Variants in ATAD2B observed in about 807,000 individuals in gnomAD.
The protein encoded by ATAD2B is ATPase family AAA domain-containing protein 2B.
ATAD2B carries 40 observed loss-of-function variants against 167.6 expected under a neutral mutation model. That is an observed-to-expected ratio of 0.24 (90% confidence interval 0.19 to 0.31). ATAD2B has a LOEUF of 0.31. Ranked by LOEUF, ATAD2B falls within the 10% of genes least tolerant of loss-of-function variation. ATAD2B has a pLI of 1.00. For missense variants in ATAD2B, 1,242 were observed against 1,757.2 expected (o/e 0.71, Z 5.24); for synonymous variants, 579 against 596.5 (o/e 0.97, Z 0.43).
intron 1 of ATAD2B, among the ~76,000 whole-genome samples, chr2:23,909,451 T>TAC (rs150415566): frequency 0.015 from 2,217 of 149,152 alleles, 45 homozygotes; most frequent in African/African-American, 0.045. Flanking sequence ...TATATATATA[T>TAC]ACACACACAC....
chr2:23,713,949 T>C, the ATAD2B span, among the ~76,000 whole-genome samples: 2 of 152,214 alleles, frequency 1.3e-5, 1 homozygote, highest in Non-Finnish European at 2.9e-5. Context: ...GCTAGGTTTA[T>C]CAAGGTTAAA....
chr2:23,721,754 T>C, the ATAD2B span, among the ~76,000 whole-genome samples: 1 of 151,500 alleles, frequency 6.6e-6, no homozygotes, highest in African/African-American at 2.4e-5. Flanking sequence ...CCAGGCCAAC[T>C]GAGCAGTCAT....
At position 23,808,081 on chromosome 2, in the gene ATAD2B, TTA is replaced by T. The variant is rs1363658978; in HGVS notation, c.2454+2233_2454+2234del. Among the ~76,000 whole-genome samples the T allele has an allele frequency of 9.9e-3, 1,318 of 133,514 alleles. 23 individuals carry two copies. The highest frequency in any genetic ancestry group is 0.041 in the Middle Eastern group (11 of 268). 87.6% of individuals were successfully genotyped at this position (133,514 alleles called of 152,430 possible). A position where few individuals can be genotyped will look rare whatever the true frequency, so the allele number is the denominator to read the frequency against. On this transcript the variant is annotated intron_variant, in intron 18 of 27. Coordinates refer to ENST00000238789, the MANE Select transcript of ATAD2B (RefSeq NM_017552.4). ...ACTATAAATTATAATATATAAGTAA[TTA>T]TATATATAATTATATATATAAGTAA...
rs553058390 is a variant in ATAD2B, at chr2:23,860,000, G to C, written c.1480-2497C>G. On this transcript the variant is annotated intron_variant, in intron 12 of 27. Transcript: ENST00000238789. Reference sequence around the variant, plus strand: ...TCATTGTGACAGGTATTGGGAGGTAGGACCTTTAAAAAGTGTGTAGGTCTT... The same window carrying C: ...TCATTGTGACAGGTATTGGGAGGTACGACCTTTAAAAAGTGTGTAGGTCTT... Among the ~76,000 whole-genome samples, 8 of 152,184 alleles carry C rather than the reference G, an allele frequency of 5.3e-5. No homozygotes were observed. The South Asian group carries it at 1.2e-3, about 24-fold the overall frequency.
At chr2:23,853,188 C>A (rs1692843454) in intron 13 of ATAD2B, among the ~76,000 whole-genome samples, 1 of 152,090 alleles carries the variant, frequency 6.6e-6, no homozygotes, top group African/African-American at 2.4e-5. Context: ...AGGAAACAGG[C>A]AGTGATTTCC....
intron 12 of ATAD2B, among the ~76,000 whole-genome samples, chr2:23,862,219 T>A (rs2150026808): frequency 6.6e-6 from 1 of 151,918 alleles, no homozygotes; most frequent in East Asian, 1.9e-4. Context: ...AATTGTGAAG[T>A]ACTTTACCAA....
downstream of ATAD2B, among the ~76,000 whole-genome samples, chr2:23,747,594 C>T (rs1188207978): frequency 6.6e-6 from 1 of 152,054 alleles, no homozygotes; most frequent in Admixed American, 6.6e-5. Flanking sequence ...CTTCCCAGAA[C>T]TCTGAACGTT....
At chr2:23,728,603 T>G in the ATAD2B span, among the ~76,000 whole-genome samples, 1 of 152,196 alleles carries the variant, frequency 6.6e-6, no homozygotes, top group African/African-American at 2.4e-5. Flanking sequence ...GAAAGGGAGA[T>G]TAAGCCAACT....
Position 23,841,497 on chromosome 2 carries a change from G to A in ATAD2B, c.1569-7419C>T, listed in dbSNP as rs573379715. ...AATGTCTTCAAGATTCATCCATGGT[G>A]TGGCATGTGTCAGAATTTTTTTCTT... is the stretch of plus-strand genomic sequence containing the variant. On this transcript the variant is annotated intron_variant, in intron 13 of 27. Coordinates refer to ENST00000238789, the MANE Select transcript of ATAD2B (RefSeq NM_017552.4). 7.2e-5 allele frequency among the ~76,000 whole-genome samples: 11 copies of A among 152,004 alleles called. No individual in the cohort carries two copies. The South Asian group carries it at 2.1e-3, about 29-fold the overall frequency.
At chr2:23,784,299 A>G (rs1030318813) in intron 21 of ATAD2B, among the ~76,000 whole-genome samples, 8 of 152,086 alleles carry the variant, frequency 5.3e-5, no homozygotes, top group African/African-American at 1.9e-4. Flanking sequence ...TTGGAATTTG[A>G]TAAAGTTTTC....
the ATAD2B span, among the ~76,000 whole-genome samples, chr2:23,740,599 T>G: frequency 6.6e-6 from 1 of 152,140 alleles, no homozygotes; most frequent in African/African-American, 2.4e-5. Flanking sequence ...GATATCATAC[T>G]GAATGGGCAA....
At chr2:23,819,694 T>C in intron 17 of ATAD2B, 53 bp downstream of exon 17, 1 of 1,361,646 alleles carries the variant, frequency 7.3e-7, no homozygotes, top group Non-Finnish European at 1.0e-6. Context: ...ATTCTAATCA[T>C]AAAGTATCAA....
intron 11 of ATAD2B, among the ~76,000 whole-genome samples, chr2:23,864,273 G>C (rs1694841576): frequency 6.6e-6 from 1 of 151,964 alleles, no homozygotes; most frequent in Non-Finnish European, 1.5e-5. Flanking sequence ...CCAAAGTACT[G>C]GGATTACAGA....
At chr2:23,886,914 G>C (rs1289714714) in intron 4 of ATAD2B, among the ~76,000 whole-genome samples, 3 of 146,502 alleles carry the variant, frequency 2.0e-5, no homozygotes, top group South Asian at 4.4e-4. Context: ...CTGGGTGACA[G>C]AGCGAGACTC....
chr2:23,885,973 G>A (rs768135381), intron 4 of ATAD2B, 144 bp from the exon 5 acceptor site: 2 of 532,888 alleles, frequency 3.8e-6, no homozygotes, highest in Non-Finnish European at 6.6e-6. Flanking sequence ...TAGATAGAGT[G>A]TCCCTCTGTC....
intron 22 of ATAD2B, among the ~76,000 whole-genome samples, chr2:23,766,394 G>T (rs1415423986): frequency 2.0e-5 from 3 of 152,154 alleles, no homozygotes; most frequent in African/African-American, 7.2e-5. Flanking sequence ...CAAGAATCCA[G>T]AGTTGCAAAA....
intron 6 of ATAD2B, among the ~76,000 whole-genome samples, chr2:23,881,831 C>T (rs560070287): frequency 6.6e-6 from 1 of 152,060 alleles, no homozygotes; most frequent in Admixed American, 6.5e-5. Flanking sequence ...TCAGGCGATT[C>T]GCCTGCCTCA....
chr2:23,770,961 AT>A (rs999864145), intron 22 of ATAD2B, among the ~76,000 whole-genome samples: 48 of 152,338 alleles, frequency 3.2e-4, no homozygotes, highest in African/African-American at 1.2e-3. Flanking sequence ...CTTCCAATCC[AT>A]AAGCCATGAC....
intron 13 of ATAD2B, among the ~76,000 whole-genome samples, chr2:23,837,020 G>A (rs1173530391): frequency 1.3e-5 from 2 of 152,158 alleles, no homozygotes; most frequent in Non-Finnish European, 2.9e-5. Context: ...CTGCCCAGGA[G>A]CTTTGTCTGC....
Sources: gnomAD v4.1 joint callset for allele counts (sites outside exome capture counted in the v4.1 genomes callset) on GRCh38, gnomAD v4.1.1 for gene constraint, MANE v1.5 for transcripts, NCBI Gene and HGNC (gene_info 2026-07-23, HGNC 2026-07-21) for gene names.